The following HECW1 variants were observed in gnomAD, a reference collection of about 807,000 sequenced individuals.
The protein encoded by HECW1 is HECT, C2 and WW domain containing E3 ubiquitin protein ligase 1.
HECW1 carries 61 observed loss-of-function variants against 182.3 expected under a neutral mutation model. The ratio of observed to expected loss-of-function variants is 0.33; its 90% CI spans 0.27 to 0.41. The LOEUF (loss-of-function observed/expected upper bound fraction) is 0.41, where lower values mean the gene tolerates loss of function less well. HECW1 is among the 10% of genes least tolerant of loss of function. HECW1 has a pLI of 1.00. For synonymous variants in HECW1, 859 were observed against 832.6 expected (o/e 1.03, Z -0.55); for missense variants, 1,739 against 2,108.9 (o/e 0.82, Z 3.44).
intron 2 of HECW1, among the ~76,000 whole-genome samples, chr7:43,215,835 G>A (rs1796393665): frequency 6.6e-6 from 1 of 152,146 alleles, no homozygotes; most frequent in Admixed American, 6.5e-5. Context: ...AAGGAGTTAG[G>A]TCAACATCCT....
At chr7:43,431,941 C>G (rs947307754) in intron 8 of HECW1, among the ~76,000 whole-genome samples, 1 of 151,566 alleles carries the variant, frequency 6.6e-6, no homozygotes, top group African/African-American at 2.4e-5. Flanking sequence ...AATTTTCCTG[C>G]CTCAGCCTCC....
intron 4 of HECW1, among the ~76,000 whole-genome samples, chr7:43,314,856 A>T (rs1052910955): frequency 6.6e-6 from 1 of 152,204 alleles, no homozygotes; most frequent in African/African-American, 2.4e-5. Flanking sequence ...TCAGAGATCT[A>T]GGCTGAGAAA....
intron 6 of HECW1, among the ~76,000 whole-genome samples, chr7:43,395,872 T>A (rs920910685): frequency 3.9e-5 from 6 of 152,142 alleles, no homozygotes; most frequent in Non-Finnish European, 8.8e-5. Context: ...CTATACAGCA[T>A]CAAGAATACT....
rs146390596 is a variant in HECW1, at chr7:43,326,602, A to G, written c.460+5860A>G. ...ACACCAGACCCCCTGCCATAATTAG[A>G]GGGCTGTGAATTAGGAATTACAGGT... On this transcript the variant is annotated intron_variant, in intron 5 of 29. Transcript: ENST00000395891. Among the ~76,000 whole-genome samples the G allele has an allele frequency of 7.2e-3, 1,094 of 152,328 alleles. 8 individuals carry two copies. Among genetic ancestry groups the G allele is most frequent in the African/African-American group, 0.025 (1,051 of 41,570 alleles).
intron 6 of HECW1, among the ~76,000 whole-genome samples, chr7:43,368,305 T>C (rs1348079551): frequency 6.6e-6 from 1 of 152,218 alleles, no homozygotes; most frequent in Non-Finnish European, 1.5e-5. Context: ...ATGCAGGGTT[T>C]TCCAGAAGGA....
intron 5 of HECW1, among the ~76,000 whole-genome samples, chr7:43,328,414 G>C (rs1395283545): frequency 6.6e-6 from 1 of 152,218 alleles, no homozygotes; most frequent in African/African-American, 2.4e-5. Context: ...TGCAACATGG[G>C]ACACAGAAGA....
intron 15 of HECW1, among the ~76,000 whole-genome samples, chr7:43,468,345 G>T (rs1188593216): frequency 2.6e-5 from 4 of 152,142 alleles, no homozygotes; most frequent in Non-Finnish European, 5.9e-5. Flanking sequence ...GGAGAGAGAG[G>T]AGTGAGGCTC....
intron 29 of HECW1, among the ~76,000 whole-genome samples, chr7:43,559,829 G>A (rs1459284359): frequency 5.3e-5 from 8 of 152,094 alleles, no homozygotes; most frequent in East Asian, 3.8e-4. Flanking sequence ...GATTGTGTTC[G>A]TTCATTCTAG....
chr7:43,442,559 C>A lies in HECW1; in HGVS notation c.975C>A (p.Arg325=). ...GGGTGGTCAGCTACACACTTGGCCG[C>A]AGGCTTCCAACAGATCATGTGAGTG... ...GDRVVSYTLG[R]RLPTDHVSGQ... is the part of the protein sequence containing the mutation. Residue 325 remains arginine (R), a synonymous_variant, in exon 10 of 30, where the codon CGC becomes CGA. Coordinates refer to ENST00000395891, the MANE Select transcript of HECW1 (RefSeq NM_015052.5). 3 of 1,613,906 alleles carry A rather than the reference C, an allele frequency of 1.9e-6. No homozygotes were observed. The highest frequency in any genetic ancestry group is 2.5e-6 in the Non-Finnish European group (3 of 1,179,830).
intron 5 of HECW1, among the ~76,000 whole-genome samples, chr7:43,335,397 G>A (rs1811991814): frequency 6.6e-6 from 1 of 152,180 alleles, no homozygotes; most frequent in Non-Finnish European, 1.5e-5. Flanking sequence ...TTGTGAGTGG[G>A]CCCTCCTAAT....
chr7:43,519,524 G>A (rs545064960), intron 24 of HECW1, among the ~76,000 whole-genome samples: 42 of 152,186 alleles, frequency 2.8e-4, no homozygotes, highest in African/African-American at 7.2e-4. Context: ...GATTACAGGC[G>A]TGAGCCACCG....
chr7:43,253,225 G>A (rs1584192320), intron 3 of HECW1, among the ~76,000 whole-genome samples: 1 of 152,248 alleles, frequency 6.6e-6, no homozygotes, highest in South Asian at 2.1e-4. Context: ...TTTCTTGAAT[G>A]AGGACAGTAA....
intron 8 of HECW1, among the ~76,000 whole-genome samples, chr7:43,420,740 T>C (rs58333121): frequency 0.35 from 53,174 of 152,028 alleles, 9,570 homozygotes; most frequent in Middle Eastern, 0.47. Context: ...TAAATCTAAC[T>C]GCAGAGGAGG....
intron 2 of HECW1, among the ~76,000 whole-genome samples, chr7:43,199,340 A>G (rs1794825376): frequency 6.6e-6 from 1 of 152,270 alleles, no homozygotes; most frequent in African/African-American, 2.4e-5. Flanking sequence ...TTTACAATAA[A>G]GTTATCTGTT....
chr7:43,219,969 T>C (rs1429480148), intron 2 of HECW1, among the ~76,000 whole-genome samples: 3 of 152,090 alleles, frequency 2.0e-5, no homozygotes. Context: ...CTGGGGAAAC[T>C]GAGGAAGGCT....
intron 5 of HECW1, among the ~76,000 whole-genome samples, chr7:43,348,767 C>T (rs1404093471): frequency 6.6e-6 from 1 of 152,136 alleles, no homozygotes; most frequent in Non-Finnish European, 1.5e-5. Context: ...TCGTTTTTGA[C>T]CAGTGCTCAT....
At chr7:43,387,291 A>G (rs563201726) in intron 6 of HECW1, among the ~76,000 whole-genome samples, 5 of 150,240 alleles carry the variant, frequency 3.3e-5, no homozygotes, top group South Asian at 2.1e-4. Flanking sequence ...TTCCTGTTCT[A>G]CCTTTTTCTA....
chr7:43,433,671 A>G (rs967586537), intron 8 of HECW1, among the ~76,000 whole-genome samples: 1 of 152,196 alleles, frequency 6.6e-6, no homozygotes, highest in Non-Finnish European at 1.5e-5. Context: ...AAGGCCTGAC[A>G]GTTCAGTCCT....
At chr7:43,312,550 C>CA (rs1187219035) in intron 4 of HECW1, among the ~76,000 whole-genome samples, 3 of 152,202 alleles carry the variant, frequency 2.0e-5, no homozygotes, top group Admixed American at 6.5e-5. Flanking sequence ...GGATTATACT[C>CA]ACAGGCATAC....
Sources: gnomAD v4.1 joint callset for allele counts (sites outside exome capture counted in the v4.1 genomes callset) on GRCh38, gnomAD v4.1.1 for gene constraint, MANE v1.5 for transcripts, NCBI Gene and HGNC (gene_info 2026-07-23, HGNC 2026-07-21) for gene names.